The following GREB1 variants were observed in gnomAD, a reference collection of about 807,000 sequenced individuals.
GREB1 encodes the protein growth regulating estrogen receptor binding 1.
Under a neutral mutation model 200.7 loss-of-function variants are expected in GREB1, and 106 were observed. That is an observed-to-expected ratio of 0.53 (90% confidence interval 0.45 to 0.62). GREB1 has a LOEUF of 0.62. GREB1 is among the 20% of genes least tolerant of loss of function. The pLI is 0.00. For missense variants in GREB1, 2,243 were observed against 2,556.8 expected (o/e 0.88, Z 2.65); for synonymous variants, 1,132 against 1,092.4 (o/e 1.04, Z -0.72).
Position 11,606,758 on chromosome 2 carries a change from CATTATTATTATTATTATTATT to C in GREB1, c.2667-3908_2667-3888del, listed in dbSNP as rs3035992. ...ATTGATTGCTATTTGATTTTAGTTT[CATTATTATTATTATTATTATT>C]ATTATTATTATTATTATTATTTGAG... On this transcript the variant is annotated intron_variant, in intron 17 of 32. Coordinates refer to ENST00000381486, the MANE Select transcript of GREB1 (RefSeq NM_014668.4). Among the ~76,000 whole-genome samples the C allele has an allele frequency of 7.0e-5, 10 of 143,360 alleles. No individual in the cohort carries two copies. The South Asian group carries it at 1.3e-3, about 19-fold the overall frequency. The allele number at this position is 143,360 out of a possible 152,430, so 94.0% of individuals were successfully genotyped here.
intron 10 of GREB1, among the ~76,000 whole-genome samples, chr2:11,592,392 T>C (rs1484588499): frequency 6.7e-6 from 1 of 149,064 alleles, no homozygotes; most frequent in Admixed American, 6.9e-5. Context: ...GACATATTCT[T>C]TTTTCCTACT....
intron 25 of GREB1, 55 bp downstream of exon 25, chr2:11,627,159 C>T (rs1308921268): frequency 3.4e-6 from 5 of 1,470,384 alleles, no homozygotes; most frequent in African/African-American, 2.8e-5. Context: ...ATTGTCCGTT[C>T]CCCTGCTCTC....
intron 1 of GREB1, among the ~76,000 whole-genome samples, chr2:11,544,227 T>C (rs1675030629): frequency 6.6e-6 from 1 of 152,100 alleles, no homozygotes. Flanking sequence ...GTTTGTTTGT[T>C]TATTTTGAGA....
rs779986952 is a variant in GREB1 at position 11,566,500 on chromosome 2, G to T, written c.298G>T (p.Asp100Tyr). The part of the protein sequence containing the change: ...TTDGFCQAGK[D>Y]LRLVSISNEP... The stretch of plus-strand genomic sequence containing the variant: ...CCTAGGGTTTTGCCAGGCCGGGAAG[G>T]ACCTGCGCCTTGTCTCCATTTCCAA... The change falls in exon 4 of 33, where the codon GAC becomes TAC. Residue 100 changes from aspartate to tyrosine, a missense_variant. Coordinates refer to ENST00000381486, the MANE Select transcript of GREB1 (RefSeq NM_014668.4). The T allele has an allele frequency of 3.7e-6, 6 of 1,612,128 alleles. No homozygotes were observed. The highest frequency in any genetic ancestry group is 5.1e-6 in the Non-Finnish European group (6 of 1,178,972).
chr2:11,508,271 C>T (rs1488817382), intron 1 of GREB1, among the ~76,000 whole-genome samples: 1 of 152,202 alleles, frequency 6.6e-6, no homozygotes, highest in African/African-American at 2.4e-5. Flanking sequence ...GTTGGAATTT[C>T]TATTTCCTCC....
Position 11,492,417 on chromosome 2 carries a change from A to G in GREB1, c.-159+10036A>G, listed in dbSNP as rs1431236494. 2.0e-5 allele frequency among the ~76,000 whole-genome samples: 3 copies of G among 152,270 alleles called. No individual in the cohort carries two copies. Among genetic ancestry groups the G allele is most frequent in the Non-Finnish European group, 4.4e-5 (3 of 68,044 alleles). On this transcript the variant is annotated intron_variant, in intron 1 of 2. Coordinates refer to the GREB1 transcript ENST00000628795. The surrounding 1 kb of genome is among the most constrained non-coding windows in gnomAD (Gnocchi z 4.0). ...CAGCTGTACTCCTGGCCATGTGTAC[A>G]GAATTTCCGCAAAAGGAGGACGATA...
chr2:11,491,059 C>T (rs895365420), intron 1 of GREB1, among the ~76,000 whole-genome samples: 1 of 152,148 alleles, frequency 6.6e-6, no homozygotes, highest in Non-Finnish European at 1.5e-5. Context: ...TACTGTTGGT[C>T]TTTTGGCGAT....
intron 26 of GREB1, 129 bp downstream of exon 26, chr2:11,630,238 GGT>G: frequency 1.2e-6 from 1 of 824,992 alleles, no homozygotes; most frequent in Non-Finnish European, 1.9e-6. Flanking sequence ...GGAGGAGGCT[GGT>G]GTCGCGCACG....
At chr2:11,618,979 C>T (rs1160465195) in intron 22 of GREB1, 60 bp downstream of exon 22, 1 of 1,398,460 alleles carries the variant, frequency 7.2e-7, no homozygotes, top group Non-Finnish European at 9.4e-7. Flanking sequence ...ACACTCCCAT[C>T]TGGAGGGCAG....
At chr2:11,499,505 T>C (rs541696964) in intron 1 of GREB1, among the ~76,000 whole-genome samples, 17 of 152,374 alleles carry the variant, frequency 1.1e-4, no homozygotes, top group African/African-American at 4.1e-4. Flanking sequence ...GCTTCTACTG[T>C]GCTGTTAATT....
chr2:11,554,969 GATCAAAGAGGGA>G (rs1676291741), intron 1 of GREB1, among the ~76,000 whole-genome samples: 1 of 152,128 alleles, frequency 6.6e-6, no homozygotes. Flanking sequence ...ATAATTAACG[GATCAAAGAGGGA>G]ATCAGAGGGA....
intron 20 of GREB1, among the ~76,000 whole-genome samples, chr2:11,615,914 C>T (rs751037209): frequency 2.0e-5 from 3 of 152,214 alleles, no homozygotes; most frequent in East Asian, 1.9e-4. Context: ...TGGGCACCAG[C>T]GCGGGTCTGT....
chr2:11,614,098 A>G (rs1683172983), intron 19 of GREB1, among the ~76,000 whole-genome samples: 1 of 148,832 alleles, frequency 6.7e-6, no homozygotes, highest in Non-Finnish European at 1.5e-5. Flanking sequence ...CACTGATTAC[A>G]TTTAATCTTT....
chr2:11,586,239 T>C (rs1680076934), intron 9 of GREB1, among the ~76,000 whole-genome samples: 1 of 152,246 alleles, frequency 6.6e-6, no homozygotes, highest in South Asian at 2.1e-4. Flanking sequence ...GACCCGGTGC[T>C]GAGTGCCGAA....
intron 23 of GREB1, among the ~76,000 whole-genome samples, chr2:11,624,331 T>C (rs943710496): frequency 2.7e-5 from 4 of 146,124 alleles, no homozygotes; most frequent in African/African-American, 1.0e-4. Flanking sequence ...TATGTTTAGA[T>C]ACACAAATTC....
chr2:11,618,412 C>G lies in GREB1; in HGVS notation c.3537C>G (p.Pro1179=), dbSNP rs774737600. The G allele has an allele frequency of 1.6e-5, 26 of 1,609,850 alleles. No individual in the cohort carries two copies. In the Admixed American group the frequency reaches 2.0e-4, roughly 12 times the overall value. The change falls in exon 22 of 33, where the codon CCC becomes CCG. Residue 1179 remains proline (P), a synonymous_variant. Coordinates refer to ENST00000381486, the MANE Select transcript of GREB1 (RefSeq NM_014668.4). ...GAGCCCCTGGTGAGAAACAGAGGCC[C>G]CGGGCAAGTCAGGGGCCACCCTCGG... is the stretch of plus-strand genomic sequence containing the variant. ...EGRAPGEKQR[P]RASQGPPSAI...
chr2:11,519,449 G>GTTTTTTTTTTTTT (rs70955804), intron 1 of GREB1, among the ~76,000 whole-genome samples: 2 of 76,974 alleles, frequency 2.6e-5, no homozygotes, highest in Non-Finnish European at 2.3e-5. Context: ...ACTTGTTTTG[G>GTTTTTTTTTTTTT]TTTTTTTTTT....
At chr2:11,483,245 T>TG (rs1345021101) in intron 1 of GREB1, among the ~76,000 whole-genome samples, 3 of 142,576 alleles carry the variant, frequency 2.1e-5, no homozygotes, top group Non-Finnish European at 4.5e-5. Flanking sequence ...TGTGCGTGTA[T>TG]GGGTGTGCGT....
At chr2:11,612,793 G>T (rs3816096) in intron 19 of GREB1, among the ~76,000 whole-genome samples, 183 bp downstream of exon 19, 1 of 152,060 alleles carries the variant, frequency 6.6e-6, no homozygotes, top group Non-Finnish European at 1.5e-5. Flanking sequence ...TCTGAGGCCC[G>T]TGCCCCTTCT....
Sources: gnomAD v4.1 joint callset for allele counts (sites outside exome capture counted in the v4.1 genomes callset) on GRCh38, gnomAD v4.1.1 for gene constraint, Gnocchi (gnomAD v3.1) non-coding constraint, MANE v1.5 for transcripts, NCBI Gene and HGNC (gene_info 2026-07-23, HGNC 2026-07-21) for gene names.